The following FAM149A variants were observed in gnomAD, a reference collection of about 807,000 sequenced individuals.
The protein encoded by FAM149A is family with sequence similarity 149 member A, also known as protein FAM149A.
In FAM149A, 71 loss-of-function variants were observed where a neutral mutation model predicts 78.2. That is an observed-to-expected ratio of 0.91 (90% confidence interval 0.75 to 1.11). The LOEUF is 1.11. Ranked by LOEUF, FAM149A falls within the 50% of genes least tolerant of loss-of-function variation. The probability of loss-of-function intolerance (pLI) is 0.00; values close to 1 mark genes in which losing one functional copy is unlikely to be tolerated. For synonymous variants in FAM149A, 446 were observed against 410.5 expected, an observed-to-expected ratio of 1.09 and a Z score of -1.04; for missense variants, 1,036 against 971.0, an observed-to-expected ratio of 1.07 and a Z score of -0.89.
intron 5 of FAM149A, 29 bp downstream of exon 5, chr4:186,153,799 GT>G: frequency 6.4e-7 from 1 of 1,566,908 alleles, no homozygotes; most frequent in South Asian, 1.1e-5. Context: ...CTCTCAAAAA[GT>G]ATTGTTAGCT....
At chr4:186,171,731 C>T (rs1362470447) in intron 13 of FAM149A, among the ~76,000 whole-genome samples, 183 bp from the exon 14 acceptor site, 2 of 152,200 alleles carry the variant, frequency 1.3e-5, no homozygotes, top group Non-Finnish European at 2.9e-5. Flanking sequence ...GGGGAGCACA[C>T]TTCCTTTTCC....
Position 186,150,413 on chromosome 4 carries a change from CT to C in FAM149A, c.789+733del, listed in dbSNP as rs750482571. Among the ~76,000 whole-genome samples, 315 of 84,270 alleles carry C rather than the reference CT, an allele frequency of 3.7e-3. 2 individuals carry two copies. Among genetic ancestry groups the C allele is most frequent in the African/African-American group, 0.015 (257 of 16,718 alleles). 55.3% of individuals were successfully genotyped at this position (84,270 alleles called of 152,430 possible). A position where few individuals can be genotyped will look rare whatever the true frequency, so the allele number is the denominator to read the frequency against. On this transcript the variant is annotated intron_variant, in intron 3 of 13. Coordinates refer to ENST00000389354, the MANE Select transcript of FAM149A (RefSeq NM_001367768.3). ...GCTTGCTTTCTCTCTCTCTCTGTCT[CT>C]TTTTTTTTTTTTTTTTTTTTTTTGA...
In FAM149A at chr4:186,169,193, T is replaced by C; in HGVS notation, c.2218+1931T>C. Reference sequence around the variant, plus strand: ...AATGCCAAGTCAGTGTATTCTCTTATCAGTAACTTTTTTTCCTTTAAAATA... The same window carrying C: ...AATGCCAAGTCAGTGTATTCTCTTACCAGTAACTTTTTTTCCTTTAAAATA... On this transcript the variant is annotated intron_variant, in intron 13 of 13. Coordinates refer to ENST00000389354, the MANE Select transcript of FAM149A (RefSeq NM_001367768.3). The C allele has an allele frequency of 5.1e-6, 5 of 984,246 alleles. No individual in the cohort carries two copies. The South Asian group carries it at 1.4e-4, about 28-fold the overall frequency. The allele number at this position is 984,246 out of a possible 1,614,324, so 61.0% of individuals were successfully genotyped here. A position where few individuals can be genotyped will look rare whatever the true frequency, so the allele number is the denominator to read the frequency against.
chr4:186,118,599 T>C (rs758664909), intron 1 of FAM149A, among the ~76,000 whole-genome samples: 4 of 152,238 alleles, frequency 2.6e-5, no homozygotes, highest in Non-Finnish European at 4.4e-5. Flanking sequence ...AAGATACCTT[T>C]AGACCACACT....
intron 5 of FAM149A, 32 bp downstream of exon 5, chr4:186,153,802 T>C: frequency 6.4e-7 from 1 of 1,562,634 alleles, no homozygotes; most frequent in Non-Finnish European, 8.7e-7. Flanking sequence ...TCAAAAAGTA[T>C]TGTTAGCTGT....
At chr4:186,157,360 G>T (rs574146571) in intron 7 of FAM149A, among the ~76,000 whole-genome samples, 2 of 152,316 alleles carry the variant, frequency 1.3e-5, no homozygotes, top group East Asian at 3.9e-4. Context: ...CCCACTGTGT[G>T]ATCTGCTTCT....
intron 1 of FAM149A, among the ~76,000 whole-genome samples, chr4:186,120,067 G>C (rs987061833): frequency 6.6e-6 from 1 of 152,174 alleles, no homozygotes; most frequent in African/African-American, 2.4e-5. Flanking sequence ...ATTTTTATAA[G>C]CATGTTTCAC....
At chr4:186,142,805 C>A (rs1442269887) in intron 1 of FAM149A, among the ~76,000 whole-genome samples, 1 of 152,170 alleles carries the variant, frequency 6.6e-6, no homozygotes, top group Non-Finnish European at 1.5e-5. Flanking sequence ...TGCCACTGAG[C>A]AACCCCACGG....
rs1020235835 is a variant in FAM149A, at chr4:186,157,430, T to A, written c.1421-135T>A. ...GCTCCACAGGGGTCTCTGCCCTCCG[T>A]GGTAACATGTGGAGTGGCCGTAGCA... On this transcript the variant is annotated intron_variant, in intron 7 of 13. Transcript: ENST00000389354. 6 of 836,830 alleles carry A rather than the reference T, an allele frequency of 7.2e-6. No homozygotes were observed. In the African/African-American group the frequency reaches 1.0e-4, roughly 15 times the overall value. The allele number at this position is 836,830 out of a possible 1,614,324, so 51.8% of individuals were successfully genotyped here. A position where few individuals can be genotyped will look rare whatever the true frequency, so the allele number is the denominator to read the frequency against.
chr4:186,109,141 C>G (rs551802972), intron 1 of FAM149A: 1 of 985,230 alleles, frequency 1.0e-6, no homozygotes, highest in Admixed American at 6.1e-5. Flanking sequence ...GCCACCGCGC[C>G]CGGCCGGTCT....
chr4:186,131,922 G>T (rs2099320893), intron 1 of FAM149A: 2 of 985,328 alleles, frequency 2.0e-6, no homozygotes, highest in Admixed American at 6.1e-5. Context: ...AACAAGCTTT[G>T]TAAGGCCAGC....
At chr4:186,162,528 G>A (rs553520304) in intron 8 of FAM149A, among the ~76,000 whole-genome samples, 2 of 152,310 alleles carry the variant, frequency 1.3e-5, no homozygotes, top group South Asian at 4.1e-4. Flanking sequence ...TCCCTGCCAG[G>A]TCACCCTGGG....
intron 8 of FAM149A, among the ~76,000 whole-genome samples, chr4:186,159,247 CA>C (rs151277926): frequency 7.0e-6 from 1 of 142,646 alleles, no homozygotes. Context: ...GAGGGTCGCG[CA>C]AAAAAAAACA....
chr4:186,105,390 AAGCCCCGCCCC>A lies in FAM149A; in HGVS notation c.321_331del (p.Pro108HisfsTer62), dbSNP rs2099308344. 8.5e-7 allele frequency: 1 copy of A among 1,182,652 alleles called. No individual in the cohort carries two copies. 73.3% of individuals were successfully genotyped at this position (1,182,652 alleles called of 1,614,324 possible). ...TGGCCCAGTAGCCCTAGAGCGGGTA[AAGCCCCGCCCC>A]AGCCCCCCACTCCCTCCGGCGGGGG... On this transcript the variant is annotated frameshift_variant, in exon 1 of 14. Coordinates refer to ENST00000389354, the MANE Select transcript of FAM149A (RefSeq NM_001367768.3). LOFTEE classifies it high-confidence loss of function.
chr4:186,150,928 G>C (rs1429837261), intron 3 of FAM149A: 14 of 405,138 alleles, frequency 3.5e-5, no homozygotes, highest in Admixed American at 6.4e-5. Context: ...CACCATGTTG[G>C]CCAGGCTGGT....
At chr4:186,111,222 A>G (rs867728302) in intron 1 of FAM149A, among the ~76,000 whole-genome samples, 5 of 150,758 alleles carry the variant, frequency 3.3e-5, no homozygotes, top group South Asian at 2.1e-4. Flanking sequence ...CATGTCCTTC[A>G]CCCACTTTTT....
rs931739743 is a variant in FAM149A at position 186,105,441 on chromosome 4, G to T, written c.365G>T (p.Arg122Leu). 1.6e-6 allele frequency: 2 copies of T among 1,214,730 alleles called. No homozygotes were observed. Among genetic ancestry groups the T allele is most frequent in the Non-Finnish European group, 1.0e-6 (1 of 958,318 alleles). The allele number at this position is 1,214,730 out of a possible 1,614,324, so 75.2% of individuals were successfully genotyped here. A position where few individuals can be genotyped will look rare whatever the true frequency, so the allele number is the denominator to read the frequency against. ...TCCGGCGGGGGCTGCTCCCCTGCTC[G>T]CCTGGTGGTCCCAGCGCGGCCGCCC... is the stretch of plus-strand genomic sequence containing the variant. Residue 122 changes from arginine (R) to leucine (L), a missense_variant, in exon 1 of 14, where the codon CGC becomes CTC. Physicochemically the swap from Arg to Leu is moderately radical, Grantham distance 102. This residue lies in a region of FAM149A where 316 missense variants were observed against 241.9 expected (regional missense o/e 1.31). Coordinates refer to ENST00000389354, the MANE Select transcript of FAM149A (RefSeq NM_001367768.3).
chr4:186,154,522 G>C lies in FAM149A; in HGVS notation c.1113G>C (p.Leu371=). The C allele has an allele frequency of 6.2e-7, 1 of 1,614,136 alleles. No individual in the cohort carries two copies. The highest frequency in any genetic ancestry group is 8.5e-7 in the Non-Finnish European group (1 of 1,180,006). ...CAGCAGCACTCTCAGCCTCTGCCCT[G>C]CCAGGCCCTGATGACACAGGGGTTG... The change falls in exon 6 of 14, where the codon CTG becomes CTC. Residue 371 remains leucine (L), a synonymous_variant. Coordinates refer to ENST00000389354, the MANE Select transcript of FAM149A (RefSeq NM_001367768.3).
chr4:186,151,700 A>T (rs533420397), intron 3 of FAM149A: 2 of 984,890 alleles, frequency 2.0e-6, no homozygotes, highest in East Asian at 2.3e-4. Flanking sequence ...CAGTAAAAGA[A>T]TCCGAGGCTC....
Sources: allele counts gnomAD v4.1 joint callset (sites outside exome capture counted in the v4.1 genomes callset), GRCh38; gene constraint gnomAD v4.1.1; regional missense constraint gnomAD v4.1.1; transcripts MANE v1.5; gene names NCBI Gene and HGNC (gene_info 2026-07-23, HGNC 2026-07-21).